The following CELF4 variants were observed in gnomAD, a reference collection of about 807,000 sequenced individuals.
CELF4 encodes the protein CUGBP Elav-like family member 4.
Under a neutral mutation model 59.9 loss-of-function variants are expected in CELF4, and 18 were observed. That is an observed-to-expected ratio of 0.30 (90% CI 0.21 to 0.45). The LOEUF is 0.45. Ranked by LOEUF, CELF4 falls within the 20% of genes least tolerant of loss-of-function variation. The probability of loss-of-function intolerance (pLI) is 1.00; values close to 1 mark genes in which losing one functional copy is unlikely to be tolerated. For missense variants in CELF4, 456 were observed against 689.0 expected (o/e 0.66, Z 3.79); for synonymous variants, 261 against 267.1 (o/e 0.98, Z 0.22).
intron 2 of CELF4, among the ~76,000 whole-genome samples, chr18:37,454,751 A>G (rs1306988730): frequency 6.6e-6 from 1 of 152,226 alleles, no homozygotes; most frequent in South Asian, 2.1e-4. Flanking sequence ...GGTTGTTAAC[A>G]CAATAAAATA....
intron 1 of CELF4, among the ~76,000 whole-genome samples, chr18:37,513,310 C>A (rs1468428086): frequency 2.0e-5 from 3 of 152,196 alleles, no homozygotes; most frequent in Non-Finnish European, 2.9e-5. Flanking sequence ...ACATGCAGGA[C>A]CTTCTCTTTC....
intron 3 of CELF4, among the ~76,000 whole-genome samples, chr18:37,315,680 C>T (rs1046553251): frequency 7.2e-5 from 11 of 152,186 alleles, no homozygotes; most frequent in Admixed American, 5.2e-4. Context: ...TGCAGACACA[C>T]GCCCAGTTCC....
chr18:37,430,953 T>A (rs1480456177), intron 2 of CELF4, among the ~76,000 whole-genome samples: 2 of 152,198 alleles, frequency 1.3e-5, no homozygotes, highest in Admixed American at 1.3e-4. Flanking sequence ...CTCCCATCCA[T>A]TGCCTGCTTC....
intron 1 of CELF4, among the ~76,000 whole-genome samples, chr18:37,564,457 C>A (rs1206095199): frequency 1.3e-5 from 2 of 152,160 alleles, no homozygotes; most frequent in African/African-American, 4.8e-5. Flanking sequence ...TGTTTTAATT[C>A]TTTGATTATT....
intron 3 of CELF4, among the ~76,000 whole-genome samples, chr18:37,315,681 G>T (rs572332463): frequency 6.6e-6 from 1 of 152,156 alleles, no homozygotes; most frequent in African/African-American, 2.4e-5. Flanking sequence ...GCAGACACAC[G>T]CCCAGTTCCG....
At chr18:37,273,236 C>T (rs2154355723) in intron 6 of CELF4, 73 bp from the exon 7 acceptor site, 2 of 1,545,588 alleles carry the variant, frequency 1.3e-6, no homozygotes, top group East Asian at 4.6e-5. Flanking sequence ...GCCTCAGCTC[C>T]TGGAGACCAA....
chr18:37,312,033 C>T (rs774970435), intron 3 of CELF4, among the ~76,000 whole-genome samples: 1 of 147,894 alleles, frequency 6.8e-6, no homozygotes, highest in Non-Finnish European at 1.5e-5. Context: ...ATGGCATGAA[C>T]CTGGGAGGTG....
chr18:37,383,952 G>T (rs1050164736), intron 2 of CELF4, among the ~76,000 whole-genome samples: 1 of 152,138 alleles, frequency 6.6e-6, no homozygotes, highest in African/African-American at 2.4e-5. Flanking sequence ...GTGAGGGGGT[G>T]GGGGGCGGTG....
chr18:37,338,593 T>C (rs2097863932), intron 2 of CELF4, among the ~76,000 whole-genome samples: 1 of 152,108 alleles, frequency 6.6e-6, no homozygotes, highest in Admixed American at 6.5e-5. Context: ...CCCCATGTCA[T>C]GGCAGGCCCC....
At chr18:37,276,827 C>T (rs912826973) in intron 3 of CELF4, among the ~76,000 whole-genome samples, 11 of 152,182 alleles carry the variant, frequency 7.2e-5, no homozygotes, top group African/African-American at 1.4e-4. Flanking sequence ...AGCAGGCACT[C>T]GCTAGATGTT....
intron 2 of CELF4, among the ~76,000 whole-genome samples, chr18:37,477,951 G>A (rs1181619414): frequency 6.6e-6 from 1 of 152,152 alleles, no homozygotes; most frequent in Non-Finnish European, 1.5e-5. Flanking sequence ...AGAGGGCAGG[G>A]GTGGGGGTAC....
At chr18:37,322,441 G>A (rs2097156353) in intron 2 of CELF4, among the ~76,000 whole-genome samples, 1 of 152,236 alleles carries the variant, frequency 6.6e-6, no homozygotes. Flanking sequence ...CAGGGCTGGG[G>A]CTCCATATTG....
In CELF4 at chr18:37,509,023, C is replaced by T. The variant is rs537045190; in HGVS notation, c.287-23416G>A. 3.3e-5 allele frequency among the ~76,000 whole-genome samples: 5 copies of T among 152,304 alleles called. No individual in the cohort carries two copies. In the East Asian group the frequency reaches 5.8e-4, roughly 18 times the overall value. On this transcript the variant is annotated intron_variant, in intron 1 of 12. Transcript: ENST00000420428. ...TAATGTGGTCTTCCCAGCTCAAAGCCCCATCTCGATTGTTCTGGGATGTCA... is the reference window on the plus strand; with the variant it reads ...TAATGTGGTCTTCCCAGCTCAAAGCTCCATCTCGATTGTTCTGGGATGTCA...
chr18:37,321,907 A>T, intron 2 of CELF4, 26 bp from the exon 3 acceptor site: 2 of 1,597,538 alleles, frequency 1.3e-6, no homozygotes, highest in Non-Finnish European at 1.7e-6. Flanking sequence ...GGGGGACAGC[A>T]TTATAGCAGG....
chr18:37,559,683 G>A (rs1354837318), intron 1 of CELF4, among the ~76,000 whole-genome samples: 2 of 152,174 alleles, frequency 1.3e-5, no homozygotes, highest in Non-Finnish European at 2.9e-5. Flanking sequence ...CAGAGGCAAA[G>A]TTGAGACAAG....
At chr18:37,287,959 G>T (rs960985821) in intron 3 of CELF4, among the ~76,000 whole-genome samples, 2 of 152,160 alleles carry the variant, frequency 1.3e-5, no homozygotes, top group Non-Finnish European at 2.9e-5. Context: ...AGGACTTCAG[G>T]TAATGAGGTC....
rs1445510853 is a variant in CELF4, at chr18:37,470,880, G to C, written c.369+14645C>G. On this transcript the variant is annotated intron_variant, in intron 2 of 12. Coordinates refer to ENST00000420428, the MANE Select transcript of CELF4 (RefSeq NM_020180.4). The stretch of plus-strand genomic sequence containing the variant: ...TGTGTGTGTGTGTGTGTGTGTGTGT[G>C]TGTGTGTGACAGAGAGAGAGAGAGA... Among the ~76,000 whole-genome samples the C allele has an allele frequency of 4.8e-3, 490 of 102,794 alleles. 2 individuals carry two copies. Among genetic ancestry groups the C allele is most frequent in the Non-Finnish European group, 8.0e-3 (382 of 47,960 alleles). The allele number at this position is 102,794 out of a possible 152,430, so 67.4% of individuals were successfully genotyped here. A position where few individuals can be genotyped will look rare whatever the true frequency, so the allele number is the denominator to read the frequency against.
At chr18:37,562,847 G>A (rs1385507235) in intron 1 of CELF4, among the ~76,000 whole-genome samples, 2 of 152,096 alleles carry the variant, frequency 1.3e-5, no homozygotes, top group Admixed American at 6.6e-5. Flanking sequence ...GTCCAACCTC[G>A]ATTATAAAAA....
chr18:37,312,566 C>T (rs1289942070), intron 3 of CELF4, among the ~76,000 whole-genome samples: 1 of 152,190 alleles, frequency 6.6e-6, no homozygotes, highest in Non-Finnish European at 1.5e-5. Context: ...ACATGCCCAC[C>T]TATAGCTTGA....
Sources: allele counts gnomAD v4.1 joint callset (sites outside exome capture counted in the v4.1 genomes callset), GRCh38; gene constraint gnomAD v4.1.1; transcripts MANE v1.5; gene names NCBI Gene and HGNC (gene_info 2026-07-23, HGNC 2026-07-21).